Variants in PRKG1 observed in about 807,000 individuals in gnomAD.
The protein encoded by PRKG1 is cGMP-dependent protein kinase 1.
A neutral mutation model predicts 88.1 loss-of-function variants in PRKG1; 35 were observed. The ratio of observed to expected loss-of-function variants is 0.40; its 90% CI spans 0.30 to 0.53. The LOEUF (loss-of-function observed/expected upper bound fraction) is 0.53, where lower values mean the gene tolerates loss of function less well. Ranked by LOEUF, PRKG1 falls within the 20% of genes least tolerant of loss-of-function variation. The pLI is 0.59. For missense variants in PRKG1, 540 were observed against 839.8 expected (o/e 0.64, Z 4.41); for synonymous variants, 303 against 292.5 (o/e 1.04, Z -0.37).
At chr10:51,842,192 T>C (rs565211988) in intron 4 of PRKG1, among the ~76,000 whole-genome samples, 1 of 152,218 alleles carries the variant, frequency 6.6e-6, no homozygotes, top group African/African-American at 2.4e-5. Flanking sequence ...CTCATAGGAG[T>C]GCTTTGGGGT....
chr10:51,874,515 C>T (rs924240889), intron 4 of PRKG1, among the ~76,000 whole-genome samples: 19 of 152,068 alleles, frequency 1.2e-4, no homozygotes, highest in Admixed American at 4.6e-4. Flanking sequence ...GCATACTGTA[C>T]GTTCACTTGA....
intron 3 of PRKG1, among the ~76,000 whole-genome samples, chr10:51,724,331 G>A (rs1225001808): frequency 6.6e-6 from 1 of 152,124 alleles, no homozygotes; most frequent in Admixed American, 6.6e-5. Context: ...CATAGATGGT[G>A]AACTATTCTT....
chr10:51,268,561 C>T (rs61849757), intron 2 of PRKG1, among the ~76,000 whole-genome samples: 13,818 of 146,028 alleles, frequency 0.095, 770 homozygotes, highest in African/African-American at 0.16. Context: ...CTGTTCTGCC[C>T]GGCTCAGCAG....
At chr10:51,861,480 G>A (rs183110611) in intron 4 of PRKG1, among the ~76,000 whole-genome samples, 13 of 152,030 alleles carry the variant, frequency 8.6e-5, no homozygotes, top group South Asian at 2.1e-4. Flanking sequence ...AGAAATACCC[G>A]GGTCTATTAC....
At chr10:52,251,754 G>C in intron 10 of PRKG1, 88 bp downstream of exon 10, 1 of 1,116,342 alleles carries the variant, frequency 9.0e-7, no homozygotes, top group Non-Finnish European at 1.3e-6. Flanking sequence ...CTTTTCTCTT[G>C]TTTTGTCTTT....
intron 6 of PRKG1, among the ~76,000 whole-genome samples, chr10:52,061,945 T>A (rs1197835014): frequency 6.6e-6 from 1 of 152,006 alleles, no homozygotes. Flanking sequence ...TTTAGAAGGA[T>A]GTTCATTTCA....
chr10:51,356,276 T>C (rs1842364393), intron 2 of PRKG1, among the ~76,000 whole-genome samples: 1 of 152,006 alleles, frequency 6.6e-6, no homozygotes, highest in Admixed American at 6.6e-5. Flanking sequence ...TCTTCTTTTT[T>C]AATGGAACCA....
At chr10:51,549,581 T>A (rs1486515999) in intron 3 of PRKG1, among the ~76,000 whole-genome samples, 1 of 152,156 alleles carries the variant, frequency 6.6e-6, no homozygotes, top group Non-Finnish European at 1.5e-5. Flanking sequence ...AATGTCCTTA[T>A]ACTAGACAGC....
chr10:51,365,349 A>C (rs776334420), intron 2 of PRKG1, among the ~76,000 whole-genome samples: 4 of 151,916 alleles, frequency 2.6e-5, no homozygotes, highest in Non-Finnish European at 5.9e-5. Context: ...TTGACTAACC[A>C]GCACAATTTG....
At chr10:51,366,018 G>T (rs778925580) in intron 2 of PRKG1, among the ~76,000 whole-genome samples, 1 of 152,006 alleles carries the variant, frequency 6.6e-6, no homozygotes, top group South Asian at 2.1e-4. Flanking sequence ...TTGGCAGATG[G>T]CATCATTTAT....
intron 9 of PRKG1, 59 bp from the exon 10 acceptor site, chr10:52,251,511 C>T (rs1841168101): frequency 1.0e-5 from 13 of 1,238,206 alleles, no homozygotes; most frequent in Middle Eastern, 1.9e-4. Context: ...TACAGATGTA[C>T]GTGGTACTCG....
At chr10:51,769,944 G>A (rs1838260665) in intron 3 of PRKG1, among the ~76,000 whole-genome samples, 1 of 152,216 alleles carries the variant, frequency 6.6e-6, no homozygotes, top group Admixed American at 6.5e-5. Flanking sequence ...AAGTCATCCT[G>A]GGCCGCATGT....
In PRKG1 at chr10:51,760,230, C is replaced by T. The variant is rs73345398; in HGVS notation, c.593-44355C>T. Reference sequence around the variant, plus strand: ...TTTGACAGTTATTATTGTCTTGGTACGTTAAAATGTTTACCTTTTATGTAA... The same window carrying T: ...TTTGACAGTTATTATTGTCTTGGTATGTTAAAATGTTTACCTTTTATGTAA... On this transcript the variant is annotated intron_variant, in intron 3 of 17. Coordinates refer to ENST00000373980, the MANE Select transcript of PRKG1 (RefSeq NM_006258.4). Among the ~76,000 whole-genome samples, 280 of 152,232 alleles carry T rather than the reference C, an allele frequency of 1.8e-3. 1 individual carries two copies. The highest frequency in any genetic ancestry group is 6.2e-3 in the African/African-American group (258 of 41,530).
chr10:51,736,375 C>T (rs1025373012), intron 3 of PRKG1, among the ~76,000 whole-genome samples: 8 of 152,098 alleles, frequency 5.3e-5, no homozygotes, highest in African/African-American at 1.9e-4. Flanking sequence ...TTCAGCCTCC[C>T]GAAGTGTTGG....
intron 2 of PRKG1, among the ~76,000 whole-genome samples, chr10:51,261,233 TTAA>T (rs1448448845): frequency 6.6e-6 from 1 of 152,234 alleles, no homozygotes; most frequent in Non-Finnish European, 1.5e-5. Flanking sequence ...CAGAGAAAGA[TTAA>T]TTTTTTAAAA....
chr10:52,006,647 A>G (rs2447638), intron 5 of PRKG1, among the ~76,000 whole-genome samples: 36,139 of 152,142 alleles, frequency 0.24, 4,806 homozygotes, highest in Admixed American at 0.31. Flanking sequence ...GACCAAATCT[A>G]TGATTCACTG....
At chr10:51,220,869 AT>A (rs1198436110) in intron 2 of PRKG1, among the ~76,000 whole-genome samples, 1 of 152,150 alleles carries the variant, frequency 6.6e-6, no homozygotes, top group Non-Finnish European at 1.5e-5. Flanking sequence ...TTTATAAAGA[AT>A]TAAATAAAGA....
At chr10:51,319,281 C>A (rs1414511442) in intron 2 of PRKG1, among the ~76,000 whole-genome samples, 1 of 152,184 alleles carries the variant, frequency 6.6e-6, no homozygotes, top group Non-Finnish European at 1.5e-5. Flanking sequence ...GAAGCTCTAC[C>A]AAGCTCTATT....
intron 9 of PRKG1, among the ~76,000 whole-genome samples, chr10:52,180,597 T>C (rs112987513): frequency 0.014 from 2,207 of 152,250 alleles, 57 homozygotes; most frequent in African/African-American, 0.05. Flanking sequence ...ACTTTTATTG[T>C]AGTTTAGTGC....
Sources: gnomAD v4.1 joint callset for allele counts (sites outside exome capture counted in the v4.1 genomes callset) on GRCh38, gnomAD v4.1.1 for gene constraint, MANE v1.5 for transcripts, NCBI Gene and HGNC (gene_info 2026-07-23, HGNC 2026-07-21) for gene names.